The following PCDHGB3 variants were observed in gnomAD, a reference collection of about 807,000 sequenced individuals.
PCDHGB3 encodes protocadherin gamma-B3.
PCDHGB3 carries 40 observed loss-of-function variants against 59.2 expected under a neutral mutation model. That is an observed-to-expected ratio of 0.68 (90% CI 0.52 to 0.88). PCDHGB3 has a LOEUF of 0.88. Among genes scored for constraint, PCDHGB3 ranks in the 40% least tolerant of loss-of-function variants. The pLI is 0.00. For missense variants in PCDHGB3, 1,309 were observed against 1,187.9 expected (o/e 1.10, Z -1.50); for synonymous variants, 581 against 503.6 (o/e 1.15, Z -2.06).
intron 1 of PCDHGB3, among the ~76,000 whole-genome samples, chr5:141,433,789 A>G (rs1388423731): frequency 6.7e-6 from 1 of 148,972 alleles, no homozygotes; most frequent in Non-Finnish European, 1.5e-5. Flanking sequence ...ATGAGCTGAG[A>G]TTGTGCCATT....
chr5:141,471,206 T>C (rs113465424), intron 1 of PCDHGB3: 16,891 of 151,686 alleles, frequency 0.11, 970 homozygotes, highest in South Asian at 0.15. Context: ...CCCACCCCCA[T>C]GCCTGGCAAT....
In PCDHGB3 at chr5:141,491,762, C is replaced by T. The variant is rs1162878124; in HGVS notation, c.2416-3045C>T. The T allele has an allele frequency of 6.4e-7, 1 of 1,572,596 alleles. No homozygotes were observed. The highest frequency in any genetic ancestry group is 1.4e-5 in the African/African-American group (1 of 73,308). ...GGCGGCACTGGAGAAGCCGCCCGTC[C>T]TCATAAGGGATTGAACTTGCATCCA... On this transcript the variant is annotated intron_variant, in intron 1 of 3. Transcript: ENST00000576222. The surrounding 1 kb of genome is among the most constrained non-coding windows in gnomAD (Gnocchi z 6.9).
rs535871341 is a variant in PCDHGB3 at position 141,382,152 on chromosome 5, A to G, written c.2415+9343A>G. Among the ~76,000 whole-genome samples, 62 of 152,216 alleles carry G rather than the reference A, an allele frequency of 4.1e-4. 1 individual carries two copies. Among genetic ancestry groups the G allele is most frequent in the African/African-American group, 1.4e-3 (59 of 41,532 alleles). The stretch of plus-strand genomic sequence containing the variant: ...CCCCCCTCTCATTTTTTAAACGGTT[A>G]AAATGAAGGTGTTAGACCGTCTCTA... On this transcript the variant is annotated intron_variant, in intron 1 of 3. Transcript: ENST00000576222.
rs766885846 is a variant in PCDHGB3 at position 141,393,434 on chromosome 5, TCAC to T, written c.2415+20630_2415+20632del. The stretch of plus-strand genomic sequence containing the variant: ...CCCTGGACAGGGAGGAAGAGGCTGC[TCAC>T]CACCTGGTCCTCACGGCCTCGGATG... On this transcript the variant is annotated intron_variant, in intron 1 of 3. Coordinates refer to ENST00000576222, the MANE Select transcript of PCDHGB3 (RefSeq NM_018924.5). 11 of 1,613,902 alleles carry T rather than the reference TCAC, an allele frequency of 6.8e-6. No individual in the cohort carries two copies. The African/African-American group carries it at 1.2e-4, about 18-fold the overall frequency.
At chr5:141,394,693 G>A (rs1310404999) in intron 1 of PCDHGB3, 33 of 1,612,890 alleles carry the variant, frequency 2.0e-5, no homozygotes, top group Non-Finnish European at 2.8e-5. Context: ...GGCGAGGTGC[G>A]CACGGCGCGA....
In PCDHGB3 at chr5:141,461,525, A is replaced by T. The variant is rs966592635; in HGVS notation, c.2416-33282A>T. ...TTGGTGATTTGTTAGTTCCTTGTAGATTCTGGATACTAGTCCTTTGTCAGA... is the reference window on the plus strand; with the variant it reads ...TTGGTGATTTGTTAGTTCCTTGTAGTTTCTGGATACTAGTCCTTTGTCAGA... On this transcript the variant is annotated intron_variant, in intron 1 of 3. Coordinates refer to ENST00000576222, the MANE Select transcript of PCDHGB3 (RefSeq NM_018924.5). 5.3e-5 allele frequency among the ~76,000 whole-genome samples: 8 copies of T among 152,106 alleles called. No individual in the cohort carries two copies. The South Asian group carries it at 1.7e-3, about 31-fold the overall frequency.
chr5:141,380,795 A>C (rs1776743298), intron 1 of PCDHGB3, among the ~76,000 whole-genome samples: 1 of 152,246 alleles, frequency 6.6e-6, no homozygotes, highest in African/African-American at 2.4e-5. Context: ...GTAGAATAAG[A>C]AACAAATGTG....
rs146860480 is a variant in PCDHGB3 at position 141,474,581 on chromosome 5, T to G, written c.2416-20226T>G. ...GGTTTTCAGAGATTAATTGAAGTGTTAAAGACATGGAAATATAGGTCACAT... is the reference window on the plus strand; with the variant it reads ...GGTTTTCAGAGATTAATTGAAGTGTGAAAGACATGGAAATATAGGTCACAT... On this transcript the variant is annotated intron_variant, in intron 1 of 3. Transcript: ENST00000576222. Among the ~76,000 whole-genome samples the G allele has an allele frequency of 7.1e-4, 108 of 152,358 alleles. No homozygotes were observed. The East Asian group carries it at 0.015, about 21-fold the overall frequency.
At position 141,404,863 on chromosome 5, in the gene PCDHGB3, G is replaced by A. The variant is rs370856862; in HGVS notation, c.2415+32054G>A. 507 of 1,613,746 alleles carry A rather than the reference G, an allele frequency of 3.1e-4. 2 individuals are homozygous for A. The highest frequency in any genetic ancestry group is 3.8e-4 in the Non-Finnish European group (451 of 1,179,902). On this transcript the variant is annotated intron_variant, in intron 1 of 3. Coordinates refer to ENST00000576222, the MANE Select transcript of PCDHGB3 (RefSeq NM_018924.5). ...CTCGGGCCCTGCTAGATAGAGATGC[G>A]CTCAAACAGAGCCTTGTGGTGGCTG...
chr5:141,393,799 G>C lies in PCDHGB3; in HGVS notation c.2415+20990G>C, dbSNP rs2092846945. ...GCCGAAGATGTGGGGGCACTTCTGG[G>C]GAGGACCAAATTGCTCATTTCGGTG... On this transcript the variant is annotated intron_variant, in intron 1 of 3. Transcript: ENST00000576222. 2.5e-6 allele frequency: 4 copies of C among 1,613,802 alleles called. No homozygotes were observed. The highest frequency in any genetic ancestry group is 2.5e-6 in the Non-Finnish European group (3 of 1,179,888).
intron 1 of PCDHGB3, chr5:141,405,039 C>T (rs1227328278): frequency 1.2e-6 from 2 of 1,613,880 alleles, no homozygotes; most frequent in Non-Finnish European, 1.7e-6. Flanking sequence ...CTCGTTGTGG[C>T]TGTGGCAGTC....
At chr5:141,422,705 C>A in intron 1 of PCDHGB3, 1 of 1,602,702 alleles carries the variant, frequency 6.2e-7, no homozygotes, top group East Asian at 2.2e-5. Flanking sequence ...TACTCTCTGA[C>A]GGATGACACT....
intron 1 of PCDHGB3, chr5:141,422,008 C>T (rs767148055): frequency 1.2e-5 from 20 of 1,609,502 alleles, no homozygotes; most frequent in Admixed American, 5.1e-5. Context: ...CTCCGGAACT[C>T]GGGTGCTGAT....
At position 141,491,658 on chromosome 5, in the gene PCDHGB3, C is replaced by A; in HGVS notation, c.2416-3149C>A. 1 of 1,613,822 alleles carries A rather than the reference C, an allele frequency of 6.2e-7. No homozygotes were observed. The highest frequency in any genetic ancestry group is 8.5e-7 in the Non-Finnish European group (1 of 1,180,016). On this transcript the variant is annotated intron_variant, in intron 1 of 3. Coordinates refer to ENST00000576222, the MANE Select transcript of PCDHGB3 (RefSeq NM_018924.5). The surrounding 1 kb of genome is among the most constrained non-coding windows in gnomAD (Gnocchi z 6.9). ...CCACAGCTCTGGCGCTGGAGCCTGA[C>A]GCCATCCGGTCCCGCTCTAATACGC... is the stretch of plus-strand genomic sequence containing the variant.
intron 1 of PCDHGB3, chr5:141,399,822 C>T (rs755182775): frequency 1.2e-6 from 2 of 1,613,084 alleles, no homozygotes; most frequent in Admixed American, 3.3e-5. Context: ...CGCTGGGTCC[C>T]GACGGCTCTG....
intron 1 of PCDHGB3, chr5:141,492,036 T>A: frequency 1.9e-6 from 1 of 536,866 alleles, no homozygotes; most frequent in Non-Finnish European, 3.2e-6. Flanking sequence ...GAGGAGGCAG[T>A]CACAGATCCA....
At chr5:141,414,890 C>T in intron 1 of PCDHGB3, 5 of 1,614,232 alleles carry the variant, frequency 3.1e-6, no homozygotes, top group Non-Finnish European at 4.2e-6. Context: ...CCCGCCCTCC[C>T]CACAGACGGT....
At chr5:141,413,605 G>A in intron 1 of PCDHGB3, 1 of 1,613,854 alleles carries the variant, frequency 6.2e-7, no homozygotes, top group Non-Finnish European at 8.5e-7. Flanking sequence ...AAATCTAGAC[G>A]TAAAAATTAA....
intron 1 of PCDHGB3, chr5:141,387,800 T>G: frequency 4.6e-6 from 7 of 1,509,374 alleles, no homozygotes; most frequent in Non-Finnish European, 6.2e-6. Context: ...TAAAGTCCGT[T>G]CGGAGATCCA....
Sources: allele counts gnomAD v4.1 joint callset (sites outside exome capture counted in the v4.1 genomes callset), GRCh38; gene constraint gnomAD v4.1.1; non-coding constraint Gnocchi (gnomAD v3.1); transcripts MANE v1.5; gene names NCBI Gene and HGNC (gene_info 2026-07-23, HGNC 2026-07-21).